The following CDKAL1 variants were observed in gnomAD, a reference collection of about 807,000 sequenced individuals.
CDKAL1 encodes the protein threonylcarbamoyladenosine tRNA methylthiotransferase.
CDKAL1 carries 32 observed loss-of-function variants against 68.2 expected under a neutral mutation model. That is an observed-to-expected ratio of 0.47 (90% confidence interval 0.35 to 0.63). CDKAL1 has a LOEUF of 0.63. Ranked by LOEUF, CDKAL1 falls within the 30% of genes least tolerant of loss-of-function variation. The pLI, the probability that CDKAL1 is intolerant of heterozygous loss-of-function variation, is 0.00. For missense variants in CDKAL1, 606 were observed against 696.7 expected, an observed-to-expected ratio of 0.87 and a Z score of 1.47; for synonymous variants, 234 against 244.3, an observed-to-expected ratio of 0.96 and a Z score of 0.39.
chr6:20,584,630 C>A (rs1310781956), intron 4 of CDKAL1, among the ~76,000 whole-genome samples: 1 of 152,116 alleles, frequency 6.6e-6, no homozygotes, highest in East Asian at 1.9e-4. Context: ...AAGCTGAGGT[C>A]CCTGGGTAGT....
At chr6:21,073,101 T>G (rs1771883468) in intron 12 of CDKAL1, among the ~76,000 whole-genome samples, 1 of 152,200 alleles carries the variant, frequency 6.6e-6, no homozygotes, top group South Asian at 2.1e-4. Context: ...CAGATTGGCT[T>G]TTTTTGCTTA....
At chr6:21,097,334 G>A (rs1429340122) in intron 12 of CDKAL1, among the ~76,000 whole-genome samples, 1 of 152,186 alleles carries the variant, frequency 6.6e-6, no homozygotes, top group Non-Finnish European at 1.5e-5. Context: ...GCTGGGTGTG[G>A]TGGCAGGCAC....
At chr6:20,775,839 T>C (rs961660574) in intron 7 of CDKAL1, among the ~76,000 whole-genome samples, 1 of 152,220 alleles carries the variant, frequency 6.6e-6, no homozygotes, top group African/African-American at 2.4e-5. Context: ...GATTTCTAAA[T>C]GAAAGGGTAT....
intron 13 of CDKAL1, among the ~76,000 whole-genome samples, chr6:21,126,394 T>C (rs570492444): frequency 2.5e-4 from 38 of 152,338 alleles, no homozygotes; most frequent in African/African-American, 8.4e-4. Context: ...CCTACACATA[T>C]ACACAATGTG....
chr6:21,047,684 G>A (rs1238129454), intron 11 of CDKAL1, among the ~76,000 whole-genome samples: 1 of 152,122 alleles, frequency 6.6e-6, no homozygotes, highest in Non-Finnish European at 1.5e-5. Context: ...AGTTTATTAG[G>A]AGGCATAAGG....
At chr6:20,905,446 G>A (rs1762189634) in intron 9 of CDKAL1, among the ~76,000 whole-genome samples, 1 of 152,180 alleles carries the variant, frequency 6.6e-6, no homozygotes, top group Non-Finnish European at 1.5e-5. Flanking sequence ...TAAGGGACCT[G>A]TGGAACCTTA....
intron 5 of CDKAL1, among the ~76,000 whole-genome samples, chr6:20,696,088 A>G (rs956679504): frequency 2.0e-5 from 3 of 152,246 alleles, no homozygotes; most frequent in Non-Finnish European, 4.4e-5. Context: ...TCTTGAATGC[A>G]TGGCTTAAGT....
chr6:20,954,941 G>A (rs1474051722), intron 9 of CDKAL1, among the ~76,000 whole-genome samples: 1 of 152,106 alleles, frequency 6.6e-6, no homozygotes, highest in Non-Finnish European at 1.5e-5. Flanking sequence ...GAGAAAAATG[G>A]ATACCTTATA....
rs1767948644 is a variant in CDKAL1, at chr6:21,010,442, T to C, written c.1055+10070T>C. ...AATCTCTAGCTTAAACTCCTGCCCA[T>C]AAGCACCCTGTATTCCTAACCAGAG... is the stretch of plus-strand genomic sequence containing the variant. On this transcript the variant is annotated intron_variant, in intron 11 of 15. Transcript: ENST00000274695. Among the ~76,000 whole-genome samples, 2 of 152,178 alleles carry C rather than the reference T, an allele frequency of 1.3e-5. 1 individual carries two copies. The highest frequency in any genetic ancestry group is 4.1e-4 in the South Asian group (2 of 4,828).
intron 13 of CDKAL1, among the ~76,000 whole-genome samples, chr6:21,140,106 A>T (rs1661778398): frequency 6.6e-6 from 1 of 152,198 alleles, no homozygotes; most frequent in Non-Finnish European, 1.5e-5. Context: ...AATTCACTTA[A>T]TTGCTAAATG....
intron 2 of CDKAL1, among the ~76,000 whole-genome samples, chr6:20,544,323 C>T (rs538549865): frequency 3.3e-5 from 5 of 150,398 alleles, no homozygotes; most frequent in Admixed American, 1.3e-4. Context: ...CCAGGCCGGG[C>T]GCAGTGGCTC....
At chr6:20,884,173 A>G (rs1285011039) in intron 9 of CDKAL1, among the ~76,000 whole-genome samples, 3 of 152,236 alleles carry the variant, frequency 2.0e-5, no homozygotes, top group Admixed American at 1.3e-4. Flanking sequence ...ACAAAAATCA[A>G]TCAATATAAT....
At chr6:20,683,742 A>G (rs1286584124) in intron 5 of CDKAL1, among the ~76,000 whole-genome samples, 1 of 152,214 alleles carries the variant, frequency 6.6e-6, no homozygotes, top group Non-Finnish European at 1.5e-5. Context: ...CAGAGAATGT[A>G]GTTTACATTA....
intron 10 of CDKAL1, among the ~76,000 whole-genome samples, chr6:20,997,341 CAAAAAA>C (rs1767174457): frequency 1.3e-5 from 2 of 151,926 alleles, no homozygotes; most frequent in East Asian, 1.9e-4. Flanking sequence ...GAAAGCAAAA[CAAAAAA>C]TACATACTTT....
intron 5 of CDKAL1, among the ~76,000 whole-genome samples, chr6:20,685,373 A>G (rs907304915): frequency 3.9e-5 from 6 of 152,158 alleles, no homozygotes; most frequent in Non-Finnish European, 5.9e-5. Context: ...CTGTTCTTTC[A>G]TCAGTAGTAC....
At chr6:20,548,400 G>A (rs1288100472) in intron 3 of CDKAL1, among the ~76,000 whole-genome samples, 193 bp from the exon 4 acceptor site, 2 of 151,934 alleles carry the variant, frequency 1.3e-5, no homozygotes, top group Admixed American at 6.6e-5. Flanking sequence ...AGGTGTGTTG[G>A]TGCATGACTG....
chr6:20,637,760 A>G (rs1767972912), intron 4 of CDKAL1, among the ~76,000 whole-genome samples: 1 of 152,212 alleles, frequency 6.6e-6, no homozygotes, highest in Non-Finnish European at 1.5e-5. Context: ...CCCAGCATAT[A>G]GCCACTGCTG....
chr6:20,705,632 T>C (rs2127823166), intron 5 of CDKAL1, among the ~76,000 whole-genome samples: 1 of 152,280 alleles, frequency 6.6e-6, no homozygotes, highest in Non-Finnish European at 1.5e-5. Context: ...TTGCAAAGAC[T>C]TGGTGGAATT....
intron 9 of CDKAL1, among the ~76,000 whole-genome samples, chr6:20,873,294 A>C (rs1760320829): frequency 6.6e-6 from 1 of 152,188 alleles, no homozygotes; most frequent in Non-Finnish European, 1.5e-5. Context: ...GCTTATCAAA[A>C]ATGTAGATTT....
Sources: gnomAD v4.1 joint callset for allele counts (sites outside exome capture counted in the v4.1 genomes callset) on GRCh38, gnomAD v4.1.1 for gene constraint, MANE v1.5 for transcripts, NCBI Gene and HGNC (gene_info 2026-07-23, HGNC 2026-07-21) for gene names.